KCTD18: variants seen among roughly 807,000 people sequenced by gnomAD.
KCTD18 encodes the protein BTB/POZ domain-containing protein KCTD18.
Under a neutral mutation model 30.4 loss-of-function variants are expected in KCTD18, and 22 were observed. That is an observed-to-expected ratio of 0.72 (90% CI 0.52 to 1.03). The LOEUF is 1.03. KCTD18 is among the 50% of genes least tolerant of loss of function. The pLI, the probability that KCTD18 is intolerant of heterozygous loss-of-function variation, is 0.00. For missense variants in KCTD18, 529 were observed against 547.6 expected, an observed-to-expected ratio of 0.97 and a Z score of 0.34; for synonymous variants, 186 against 209.0, an observed-to-expected ratio of 0.89 and a Z score of 0.95.
chr2:200,505,071 A>G lies in KCTD18; in HGVS notation c.161-112T>C, dbSNP rs962269683. ...ACAATTATAAATGTTTCTTTCTCAC[A>G]TGAAAGTTAACATCTAGTGTTCAAA... On this transcript the variant is annotated intron_variant, in intron 2 of 6. Transcript: ENST00000359878. The G allele has an allele frequency of 3.7e-6, 3 of 804,450 alleles. No individual in the cohort carries two copies. In the Admixed American group the frequency reaches 8.5e-5, roughly 23 times the overall value. 49.8% of individuals were successfully genotyped at this position (804,450 alleles called of 1,614,324 possible). A position where few individuals can be genotyped will look rare whatever the true frequency, so the allele number is the denominator to read the frequency against.
intron 5 of KCTD18, among the ~76,000 whole-genome samples, chr2:200,494,036 T>C (rs2087962126): frequency 6.6e-6 from 1 of 152,234 alleles, no homozygotes. Context: ...ATCTGTTATG[T>C]TTTTTATTAA....
intron 5 of KCTD18, chr2:200,496,965 G>T (rs12693915): frequency 0.6 from 91,723 of 152,086 alleles, 28,152 homozygotes; most frequent in East Asian, 0.79. Context: ...ACCAGGCCCA[G>T]ATCTTTTATC....
chr2:200,508,099 TTTGTTTGC>T (rs2030298624), intron 1 of KCTD18, among the ~76,000 whole-genome samples: 1 of 152,120 alleles, frequency 6.6e-6, no homozygotes, highest in Admixed American at 6.5e-5. Context: ...GGGGTTTTTG[TTTGTTTGC>T]TTGTTTGTTT....
chr2:200,495,815 G>GT (rs2087989761), intron 5 of KCTD18: 1 of 151,262 alleles, frequency 6.6e-6, no homozygotes, highest in African/African-American at 2.4e-5. Context: ...ATTTATCCTA[G>GT]TTTTTTATTA....
rs377067002 is a variant in KCTD18 at position 200,504,867 on chromosome 2, G to A, written c.253C>T (p.Arg85Cys). The change falls in exon 3 of 7, where the codon CGC becomes TGC. Residue 85 changes from arginine to cysteine, a missense_variant. Arg to Cys is a radical substitution (Grantham distance 180). Transcript: ENST00000359878. The stretch of plus-strand genomic sequence containing the variant: ...TCAGCCTCTTCCTGTAGGGCGATGC[G>A]GGTTTGCTCATCTGTGGGAATCTGA... ...EVQIPTDEQTRIALQEEADYF... is the reference protein window; with the variant it reads ...EVQIPTDEQTCIALQEEADYF... The A allele has an allele frequency of 1.9e-5, 31 of 1,613,962 alleles. No individual in the cohort carries two copies. Among genetic ancestry groups the A allele is most frequent in the East Asian group, 6.7e-5 (3 of 44,884 alleles).
intron 2 of KCTD18, among the ~76,000 whole-genome samples, chr2:200,505,877 G>C (rs201116820): frequency 2.6e-5 from 4 of 151,088 alleles, no homozygotes; most frequent in Non-Finnish European, 4.4e-5. Flanking sequence ...AAAAAAAAGA[G>C]AGAAAAACCT....
At chr2:200,495,619 T>C (rs565306915) in intron 5 of KCTD18, among the ~76,000 whole-genome samples, 1 of 152,304 alleles carries the variant, frequency 6.6e-6, no homozygotes, top group African/African-American at 2.4e-5. Context: ...ATTGTTTTTA[T>C]TAAATGTATA....
intron 4 of KCTD18, among the ~76,000 whole-genome samples, chr2:200,498,177 C>T (rs931415530): frequency 1.3e-5 from 2 of 152,146 alleles, no homozygotes; most frequent in South Asian, 2.1e-4. Flanking sequence ...AAAATATTCA[C>T]GTTTCACCAG....
intron 3 of KCTD18, among the ~76,000 whole-genome samples, chr2:200,500,364 T>C (rs201467067): frequency 6.6e-6 from 1 of 151,666 alleles, no homozygotes; most frequent in Non-Finnish European, 1.5e-5. Context: ...GACGACATGA[T>C]TGTATATCTA....
chr2:200,504,673 G>C (rs781594159), intron 3 of KCTD18, 75 bp downstream of exon 3: 5 of 1,012,686 alleles, frequency 4.9e-6, no homozygotes, highest in Non-Finnish European at 7.3e-6. Flanking sequence ...TGAAAACACA[G>C]GCTATGCAAA....
intron 6 of KCTD18, 86 bp from the exon 7 acceptor site, chr2:200,490,702 C>T (rs2087903165): frequency 7.0e-7 from 1 of 1,423,694 alleles, no homozygotes; most frequent in African/African-American, 1.4e-5. Context: ...TCAGCATTAA[C>T]AGAAAGGTTT....
At position 200,489,749 on chromosome 2, in the gene KCTD18, C is replaced by G. The variant is rs973478363; in HGVS notation, c.*351G>C. ...CCTAAGGCCAAACCTCATGCCCATC[C>G]TCGGGTTGCAACAAGTAACGTTTAC... On this transcript the variant is annotated 3_prime_UTR_variant, in exon 7 of 7. Coordinates refer to ENST00000359878, the MANE Select transcript of KCTD18 (RefSeq NM_152387.4). The G allele has an allele frequency of 1.4e-5, 3 of 213,442 alleles. No homozygotes were observed. The Admixed American group carries it at 1.6e-4, about 11-fold the overall frequency. The allele number at this position is 213,442 out of a possible 1,614,324, so 13.2% of individuals were successfully genotyped here.
Position 200,489,713 on chromosome 2 carries a change from A to C in KCTD18, c.*387T>G, listed in dbSNP as rs2087875304. On this transcript the variant is annotated 3_prime_UTR_variant, in exon 7 of 7. Coordinates refer to ENST00000359878, the MANE Select transcript of KCTD18 (RefSeq NM_152387.4). ...CTAATATCACCCCCTCCATTTTCCC[A>C]GACAGGAATACCTAAGGCCAAACCT... 5.7e-6 allele frequency: 1 copy of C among 176,116 alleles called. No individual in the cohort carries two copies. The highest frequency in any genetic ancestry group is 2.4e-5 in the African/African-American group (1 of 42,244). 10.9% of individuals were successfully genotyped at this position (176,116 alleles called of 1,614,324 possible). A position where few individuals can be genotyped will look rare whatever the true frequency, so the allele number is the denominator to read the frequency against.
At position 200,490,018 on chromosome 2, in the gene KCTD18, A is replaced by G; in HGVS notation, c.*82T>C. ...TAAACCTAAGCTTCCCCTCTGCTGC[A>G]TTAAGAAAGTGTCACTTCTTTGCGT... On this transcript the variant is annotated 3_prime_UTR_variant, in exon 7 of 7. Coordinates refer to ENST00000359878, the MANE Select transcript of KCTD18 (RefSeq NM_152387.4). 5 of 1,405,170 alleles carry G rather than the reference A, an allele frequency of 3.6e-6. No homozygotes were observed. Among genetic ancestry groups the G allele is most frequent in the Non-Finnish European group, 4.8e-6 (5 of 1,051,328 alleles). 87.0% of individuals were successfully genotyped at this position (1,405,170 alleles called of 1,614,324 possible).
At chr2:200,504,599 A>G (rs2030061524) in intron 3 of KCTD18, 149 bp downstream of exon 3, 1 of 633,622 alleles carries the variant, frequency 1.6e-6, no homozygotes, top group Non-Finnish European at 2.6e-6. Context: ...GCCTTAAAAA[A>G]TGAGAAGTAG....
intron 5 of KCTD18, chr2:200,495,968 G>A (rs1020112734): frequency 6.6e-6 from 1 of 151,882 alleles, no homozygotes. Flanking sequence ...TCATCGCCAA[G>A]ATCTGATTGC....
At chr2:200,495,987 G>A (rs531021651) in intron 5 of KCTD18, 2 of 151,412 alleles carry the variant, frequency 1.3e-5, no homozygotes, top group South Asian at 4.2e-4. Context: ...GCAAAAATTC[G>A]GCTCACTGCA....
chr2:200,495,975 T>C (rs978781445), intron 5 of KCTD18: 9 of 151,910 alleles, frequency 5.9e-5, no homozygotes, highest in African/African-American at 2.2e-4. Flanking sequence ...CAAGATCTGA[T>C]TGCAAAAATT....
Position 200,489,599 on chromosome 2 carries a change from T to C in KCTD18, c.*501A>G, listed in dbSNP as rs1375876218. The C allele has an allele frequency of 6.6e-6, 1 of 152,626 alleles. No individual in the cohort carries two copies. The highest frequency in any genetic ancestry group is 1.5e-5 in the Non-Finnish European group (1 of 68,356). The allele number at this position is 152,626 out of a possible 1,614,324, so 9.5% of individuals were successfully genotyped here. A position where few individuals can be genotyped will look rare whatever the true frequency, so the allele number is the denominator to read the frequency against. ...CCCATCATTTCTTTTCACGTTGCCT[T>C]TGGAGACAGAGTAATTTGTAGGCAG... On this transcript the variant is annotated 3_prime_UTR_variant, in exon 7 of 7. Transcript: ENST00000359878.
Sources: allele counts gnomAD v4.1 joint callset (sites outside exome capture counted in the v4.1 genomes callset), GRCh38; gene constraint gnomAD v4.1.1; transcripts MANE v1.5; gene names NCBI Gene and HGNC (gene_info 2026-07-23, HGNC 2026-07-21).